Variants in UBE2H observed in about 807,000 individuals in gnomAD.
UBE2H encodes the protein ubiquitin conjugating enzyme E2 H, also known as ubiquitin-conjugating enzyme E2 H.
A neutral mutation model predicts 29.0 loss-of-function variants in UBE2H; 3 were observed. That is an observed-to-expected ratio of 0.10 (90% confidence interval 0.05 to 0.27). UBE2H has a LOEUF of 0.27. UBE2H is among the 10% of genes least tolerant of loss of function. UBE2H has a pLI of 1.00. For missense variants in UBE2H, 68 were observed against 228.2 expected, an observed-to-expected ratio of 0.30 and a Z score of 4.52; for synonymous variants, 69 against 82.9, an observed-to-expected ratio of 0.83 and a Z score of 0.91.
At chr7:129,921,440 G>A (rs181773248) in intron 1 of UBE2H, among the ~76,000 whole-genome samples, 2 of 152,268 alleles carry the variant, frequency 1.3e-5, no homozygotes, top group Non-Finnish European at 2.9e-5. Context: ...GCTCACGCCT[G>A]TAATCCCAGC....
intron 3 of UBE2H, among the ~76,000 whole-genome samples, chr7:129,861,574 TA>T (rs542108262): frequency 1.5e-3 from 231 of 152,234 alleles, no homozygotes; most frequent in Non-Finnish European, 2.2e-3. Flanking sequence ...TAGTTGAGCT[TA>T]AAAAAACTCC....
chr7:129,864,563 T>TTTTTC (rs1414646595), intron 3 of UBE2H, among the ~76,000 whole-genome samples: 1 of 146,746 alleles, frequency 6.8e-6, no homozygotes, highest in African/African-American at 2.5e-5. Context: ...TTTCTTTTTT[T>TTTTTC]TTTTTTTTGA....
intron 1 of UBE2H, among the ~76,000 whole-genome samples, chr7:129,911,537 G>T (rs1431352589): frequency 6.6e-6 from 1 of 152,046 alleles, no homozygotes; most frequent in Non-Finnish European, 1.5e-5. Flanking sequence ...AGGTTTTAGG[G>T]GCCTGTTGGG....
At chr7:129,840,996 G>A (rs368233910) in intron 5 of UBE2H, among the ~76,000 whole-genome samples, 4 of 152,130 alleles carry the variant, frequency 2.6e-5, no homozygotes, top group South Asian at 2.1e-4. Flanking sequence ...ACTGGCATCC[G>A]GTGGGTGAAG....
chr7:129,861,403 T>C (rs1419132449), intron 3 of UBE2H, among the ~76,000 whole-genome samples: 2 of 152,112 alleles, frequency 1.3e-5, no homozygotes, highest in Non-Finnish European at 2.9e-5. Flanking sequence ...ACTTTTCAAA[T>C]CTCATCACCA....
rs1234759555 is a variant in UBE2H at position 129,895,582 on chromosome 7, C to T, written c.54-14611G>A. 5.3e-5 allele frequency among the ~76,000 whole-genome samples: 8 copies of T among 152,194 alleles called. No individual in the cohort carries two copies. The East Asian group carries it at 1.5e-3, about 29-fold the overall frequency. On this transcript the variant is annotated intron_variant, in intron 1 of 6. Transcript: ENST00000355621. ...TCTATTTATTTCTTCCCCCCAACTC[C>T]CTCTCCCCAAAATATCTATTTAAAA... is the stretch of plus-strand genomic sequence containing the variant.
chr7:129,861,215 C>T (rs1196271617), intron 3 of UBE2H, among the ~76,000 whole-genome samples: 1 of 150,352 alleles, frequency 6.7e-6, no homozygotes, highest in Non-Finnish European at 1.5e-5. Context: ...CGGAGTGAGA[C>T]TGTCTTTAAA....
chr7:129,944,493 C>T (rs959243983), intron 1 of UBE2H, among the ~76,000 whole-genome samples: 2 of 150,996 alleles, frequency 1.3e-5, no homozygotes, highest in African/African-American at 4.9e-5. Context: ...CAGCGGCTTA[C>T]ATCTGTAATC....
At chr7:129,868,921 G>GTC (rs202047380) in intron 3 of UBE2H, among the ~76,000 whole-genome samples, 22 of 143,184 alleles carry the variant, frequency 1.5e-4, no homozygotes, top group South Asian at 1.1e-3. Flanking sequence ...TGACACCCGG[G>GTC]TCTCTCTCTC....
At chr7:129,896,129 G>A (rs1034560040) in intron 1 of UBE2H, among the ~76,000 whole-genome samples, 3 of 151,860 alleles carry the variant, frequency 2.0e-5, no homozygotes, top group African/African-American at 7.3e-5. Context: ...CTGAGGTTAG[G>A]AGTTCAAGAC....
chr7:129,946,379 G>A (rs908172449), intron 1 of UBE2H, among the ~76,000 whole-genome samples: 2 of 152,042 alleles, frequency 1.3e-5, no homozygotes, highest in African/African-American at 4.8e-5. Context: ...ATTTTTAACT[G>A]GGAAAAACAG....
At chr7:129,924,827 G>C (rs565596871) in intron 1 of UBE2H, among the ~76,000 whole-genome samples, 11 of 151,850 alleles carry the variant, frequency 7.2e-5, no homozygotes, top group African/African-American at 2.4e-4. Flanking sequence ...AGCCCTGGAC[G>C]GTCCTCCAGG....
At chr7:129,910,749 G>A (rs2116446291) in intron 1 of UBE2H, among the ~76,000 whole-genome samples, 1 of 152,236 alleles carries the variant, frequency 6.6e-6, no homozygotes, top group Non-Finnish European at 1.5e-5. Context: ...AGGTGTGGTG[G>A]TGGGCACCTA....
intron 1 of UBE2H, among the ~76,000 whole-genome samples, chr7:129,944,353 C>A (rs924775073): frequency 1.3e-5 from 2 of 148,900 alleles, no homozygotes; most frequent in Non-Finnish European, 3.0e-5. Flanking sequence ...AAGACTCCGT[C>A]TCAAAACAAA....
intron 1 of UBE2H, among the ~76,000 whole-genome samples, chr7:129,909,899 T>C (rs182707671): frequency 1.1e-3 from 170 of 152,030 alleles, no homozygotes; most frequent in African/African-American, 3.7e-3. Context: ...GCTGATTATA[T>C]AAAGTGGTCT....
At chr7:129,934,178 C>T (rs1311575003) in intron 1 of UBE2H, among the ~76,000 whole-genome samples, 3 of 151,900 alleles carry the variant, frequency 2.0e-5, no homozygotes, top group Non-Finnish European at 2.9e-5. Flanking sequence ...AAAAATTATC[C>T]GGGCATTATA....
chr7:129,853,878 A>G (rs1805655829), intron 5 of UBE2H, among the ~76,000 whole-genome samples: 3 of 152,190 alleles, frequency 2.0e-5, no homozygotes, highest in African/African-American at 7.2e-5. Context: ...CCCACAGAAC[A>G]GTACATGTCC....
At chr7:129,859,682 TTCAG>T (rs879338814) in intron 3 of UBE2H, among the ~76,000 whole-genome samples, 2 of 152,236 alleles carry the variant, frequency 1.3e-5, no homozygotes, top group Non-Finnish European at 2.9e-5. Context: ...AAACCAGTTA[TTCAG>T]TCAGTCAGTA....
At chr7:129,884,075 G>A (rs1427103343) in intron 1 of UBE2H, among the ~76,000 whole-genome samples, 2 of 151,968 alleles carry the variant, frequency 1.3e-5, no homozygotes, top group Admixed American at 6.6e-5. Flanking sequence ...CAGCCTGGGT[G>A]ACAGAGTGTG....
Sources: gnomAD v4.1 joint callset for allele counts (sites outside exome capture counted in the v4.1 genomes callset) on GRCh38, gnomAD v4.1.1 for gene constraint, MANE v1.5 for transcripts, NCBI Gene and HGNC (gene_info 2026-07-23, HGNC 2026-07-21) for gene names.